FOXP2: variants seen among roughly 807,000 people sequenced by gnomAD.
FOXP2 encodes the protein forkhead box P2, also known as forkhead box protein P2.
A neutral mutation model predicts 115.8 loss-of-function variants in FOXP2; 12 were observed. That is an observed-to-expected ratio of 0.10 (90% CI 0.07 to 0.17). FOXP2 has a LOEUF of 0.17. FOXP2 is among the 10% of genes least tolerant of loss of function. The pLI is 1.00. For synonymous variants in FOXP2, 328 were observed against 297.7 expected (o/e 1.10, Z -1.05); for missense variants, 629 against 843.5 (o/e 0.75, Z 3.15).
intron 1 of FOXP2, among the ~76,000 whole-genome samples, chr7:114,105,690 C>T (rs1296244194): frequency 1.3e-5 from 2 of 152,028 alleles, no homozygotes; most frequent in East Asian, 3.9e-4. Flanking sequence ...AATTTAGAAT[C>T]TGAGGTAAAG....
chr7:114,476,147 T>C (rs1344666498), intron 2 of FOXP2, among the ~76,000 whole-genome samples: 2 of 151,798 alleles, frequency 1.3e-5, no homozygotes, highest in Non-Finnish European at 2.9e-5. Flanking sequence ...TGTTTATTTT[T>C]ATTTTTGTTG....
chr7:114,114,474 T>C (rs574011690), intron 1 of FOXP2, among the ~76,000 whole-genome samples: 1 of 152,098 alleles, frequency 6.6e-6, no homozygotes, highest in South Asian at 2.1e-4. Flanking sequence ...AGATATACCA[T>C]CAAAGCACAA....
At chr7:114,560,422 A>G (rs746142746) in intron 3 of FOXP2, among the ~76,000 whole-genome samples, 102 of 152,226 alleles carry the variant, frequency 6.7e-4, no homozygotes, top group Middle Eastern at 3.4e-3. Flanking sequence ...CCTGGCCAAC[A>G]TAGGGAAACC....
chr7:114,116,616 AAAATT>A (rs1791414319), intron 1 of FOXP2, among the ~76,000 whole-genome samples: 1 of 152,212 alleles, frequency 6.6e-6, no homozygotes, highest in South Asian at 2.1e-4. Context: ...ATAAGAGTCA[AAAATT>A]AAAAGAATAA....
At chr7:114,306,993 C>A (rs1267378396) in intron 2 of FOXP2, among the ~76,000 whole-genome samples, 1 of 152,142 alleles carries the variant, frequency 6.6e-6, no homozygotes, top group East Asian at 1.9e-4. Flanking sequence ...TTAGGATCAG[C>A]TGATTAATAA....
chr7:114,618,116 T>C (rs773385087), intron 3 of FOXP2, among the ~76,000 whole-genome samples: 73 of 152,226 alleles, frequency 4.8e-4, no homozygotes, highest in Non-Finnish European at 4.3e-4. Flanking sequence ...ATTCTTCCTG[T>C]GCATTCTCCT....
intron 2 of FOXP2, among the ~76,000 whole-genome samples, chr7:114,387,520 G>GT (rs1351924090): frequency 6.6e-6 from 1 of 152,050 alleles, no homozygotes; most frequent in African/African-American, 2.4e-5. Flanking sequence ...TTTTATTTAG[G>GT]TTTTTTGGAG....
At chr7:114,274,494 G>A (rs949508594) in intron 1 of FOXP2, among the ~76,000 whole-genome samples, 3 of 150,882 alleles carry the variant, frequency 2.0e-5, no homozygotes, top group African/African-American at 7.3e-5. Flanking sequence ...AGGTCTACTG[G>A]AAACAATTTC....
chr7:114,174,281 A>G (rs1793228851), intron 1 of FOXP2, among the ~76,000 whole-genome samples: 2 of 151,954 alleles, frequency 1.3e-5, no homozygotes, highest in African/African-American at 4.8e-5. Context: ...CACTTATTCT[A>G]TTAAATTCAG....
intron 1 of FOXP2, among the ~76,000 whole-genome samples, chr7:114,424,720 T>C (rs537529567): frequency 1.3e-5 from 2 of 151,682 alleles, no homozygotes; most frequent in African/African-American, 4.8e-5. Flanking sequence ...ATAAGATGTT[T>C]AGCAAAACCT....
rs546237077 is a variant in FOXP2, at chr7:114,612,252, C to T, written c.259-16288C>T. Among the ~76,000 whole-genome samples the T allele has an allele frequency of 9.2e-5, 14 of 152,070 alleles. No homozygotes were observed. In the East Asian group the frequency reaches 1.9e-3, roughly 21 times the overall value. ...GATTTGGGAAGCAGCTCCTATATTACGCCCAGCTGCCTTGATGGAAGAGCA... is the reference window on the plus strand; with the variant it reads ...GATTTGGGAAGCAGCTCCTATATTATGCCCAGCTGCCTTGATGGAAGAGCA... On this transcript the variant is annotated intron_variant, in intron 3 of 16. Coordinates refer to ENST00000350908, the MANE Select transcript of FOXP2 (RefSeq NM_014491.4).
At chr7:114,418,341 A>G (rs998969436) in intron 1 of FOXP2, among the ~76,000 whole-genome samples, 1 of 151,908 alleles carries the variant, frequency 6.6e-6, no homozygotes, top group African/African-American at 2.4e-5. Flanking sequence ...CCTCCAACAT[A>G]ATGACCCTAA....
chr7:114,204,840 T>C (rs1794158870), intron 1 of FOXP2, among the ~76,000 whole-genome samples: 1 of 151,116 alleles, frequency 6.6e-6, no homozygotes. Context: ...AAGTCAGAAA[T>C]AGTAGAGTAC....
intron 3 of FOXP2, among the ~76,000 whole-genome samples, chr7:114,608,143 A>C (rs114075909): frequency 1.3e-5 from 2 of 152,194 alleles, no homozygotes; most frequent in African/African-American, 4.8e-5. Context: ...TTCCAGTGCT[A>C]TATTGCCAGG....
intron 1 of FOXP2, among the ~76,000 whole-genome samples, chr7:114,124,805 T>A (rs970389554): frequency 5.3e-5 from 8 of 151,964 alleles, no homozygotes; most frequent in African/African-American, 1.9e-4. Context: ...TCCTTATCCC[T>A]CCTCCTTTAT....
chr7:114,125,221 A>C (rs1238662535), intron 1 of FOXP2, among the ~76,000 whole-genome samples: 1 of 152,136 alleles, frequency 6.6e-6, no homozygotes, highest in Admixed American at 6.6e-5. Context: ...TTTGACTAAA[A>C]GTTTAAAATG....
intron 2 of FOXP2, among the ~76,000 whole-genome samples, chr7:114,443,585 A>G (rs1183465537): frequency 6.6e-6 from 1 of 151,970 alleles, no homozygotes; most frequent in East Asian, 1.9e-4. Flanking sequence ...CCCACCCTCT[A>G]TCTCAAGTAG....
At chr7:114,284,296 C>T (rs1796411648) in intron 1 of FOXP2, among the ~76,000 whole-genome samples, 1 of 151,920 alleles carries the variant, frequency 6.6e-6, no homozygotes, top group African/African-American at 2.4e-5. Flanking sequence ...AAAGCCCATC[C>T]CTTACATATT....
intron 3 of FOXP2, among the ~76,000 whole-genome samples, chr7:114,568,466 T>C (rs1016372537): frequency 6.6e-6 from 1 of 151,676 alleles, no homozygotes; most frequent in Non-Finnish European, 1.5e-5. Context: ...TTTTTGTTTG[T>C]TTGTTTTTTG....
Sources: allele counts gnomAD v4.1 joint callset (sites outside exome capture counted in the v4.1 genomes callset), GRCh38; gene constraint gnomAD v4.1.1; transcripts MANE v1.5; gene names NCBI Gene and HGNC (gene_info 2026-07-23, HGNC 2026-07-21).